The following FBXO11 variants were observed in gnomAD, a reference collection of about 807,000 sequenced individuals.
FBXO11 encodes F-box protein 11.
FBXO11 carries 13 observed loss-of-function variants against 117.0 expected under a neutral mutation model. The observed-to-expected ratio is 0.11, with a 90% CI of 0.07 to 0.18. FBXO11 has a LOEUF of 0.18. FBXO11 is among the 10% of genes least tolerant of loss of function. FBXO11 has a pLI of 1.00. For missense variants in FBXO11, 767 were observed against 1,164.4 expected (o/e 0.66, Z 4.97); for synonymous variants, 490 against 380.5 (o/e 1.29, Z -3.35).
intron 1 of FBXO11, among the ~76,000 whole-genome samples, chr2:47,884,494 C>G (rs751104311): frequency 2.0e-5 from 3 of 152,150 alleles, no homozygotes; most frequent in Non-Finnish European, 4.4e-5. Flanking sequence ...TTACATATGT[C>G]TTTCAGTTCA....
At chr2:47,817,993 CAA>C (rs1021441041) in intron 16 of FBXO11, among the ~76,000 whole-genome samples, 1 of 152,110 alleles carries the variant, frequency 6.6e-6, no homozygotes, top group African/African-American at 2.4e-5. Context: ...ACTAAAAATA[CAA>C]AGTCAGCCAG....
In FBXO11 at chr2:47,813,147, CTTAG is replaced by C. The variant is rs776147994; in HGVS notation, c.2227+83_2227+86del. 528 of 1,314,506 alleles carry C rather than the reference CTTAG, an allele frequency of 4.0e-4. 1 individual carries two copies. The highest frequency in any genetic ancestry group is 1.1e-3 in the Middle Eastern group (6 of 5,536). 81.4% of individuals were successfully genotyped at this position (1,314,506 alleles called of 1,614,324 possible). On this transcript the variant is annotated intron_variant, in intron 18 of 22. Transcript: ENST00000403359. ...AGACTTGAGATTCACTCATTTATAA[CTTAG>C]TTAGCAATGTCATTGATCATTAAAG...
intron 1 of FBXO11, among the ~76,000 whole-genome samples, chr2:47,845,964 C>G (rs1054809429): frequency 3.3e-5 from 5 of 151,892 alleles, no homozygotes; most frequent in African/African-American, 1.2e-4. Context: ...ACATGTAGAT[C>G]CATTATTTTT....
intron 1 of FBXO11, among the ~76,000 whole-genome samples, chr2:47,877,687 G>A (rs1441848665): frequency 2.6e-5 from 4 of 151,816 alleles, no homozygotes; most frequent in African/African-American, 7.3e-5. Flanking sequence ...TTTTCGTTTC[G>A]TTTTGTTTTG....
intron 1 of FBXO11, among the ~76,000 whole-genome samples, chr2:47,878,717 C>T (rs1291631555): frequency 2.6e-5 from 4 of 151,552 alleles, no homozygotes; most frequent in Non-Finnish European, 4.4e-5. Context: ...GTGGCTCATG[C>T]CTGTAATCCC....
chr2:47,818,568 C>T (rs1478235424), intron 16 of FBXO11: 9 of 472,768 alleles, frequency 1.9e-5, no homozygotes, highest in Non-Finnish European at 2.3e-5. Context: ...TGGAAGTGAG[C>T]TCTTATGGCA....
At position 47,905,802 on chromosome 2, in the gene FBXO11, G is replaced by T; in HGVS notation, c.-82C>A. Reference sequence around the variant, plus strand: ...GAGCTTCGGGGCAGGAGAAAGGGGTGGGGAGAGTGGGAGAGGGGGGAGGAA... The same window carrying T: ...GAGCTTCGGGGCAGGAGAAAGGGGTTGGGAGAGTGGGAGAGGGGGGAGGAA... On this transcript the variant is annotated 5_prime_UTR_variant, in exon 1 of 23. Coordinates refer to ENST00000403359, the MANE Select transcript of FBXO11 (RefSeq NM_001190274.2). 1.5e-6 allele frequency: 2 copies of T among 1,361,438 alleles called. No homozygotes were observed. The highest frequency in any genetic ancestry group is 2.0e-6 in the Non-Finnish European group (2 of 1,017,598). 84.3% of individuals were successfully genotyped at this position (1,361,438 alleles called of 1,614,324 possible).
At chr2:47,871,205 G>C (rs1205613449) in intron 1 of FBXO11, among the ~76,000 whole-genome samples, 1 of 152,174 alleles carries the variant, frequency 6.6e-6, no homozygotes, top group East Asian at 1.9e-4. Flanking sequence ...TCTGGACAAA[G>C]CCACGTGCCC....
intron 16 of FBXO11, among the ~76,000 whole-genome samples, chr2:47,816,033 C>A (rs1259412301): frequency 6.6e-6 from 1 of 152,252 alleles, no homozygotes; most frequent in East Asian, 1.9e-4. Flanking sequence ...AAACATCCCC[C>A]TGCTGTCTAG....
intron 1 of FBXO11, among the ~76,000 whole-genome samples, chr2:47,866,480 T>C (rs377726031): frequency 2.7e-4 from 41 of 151,968 alleles, no homozygotes; most frequent in African/African-American, 9.2e-4. Context: ...GTTTGTTTTT[T>C]TTTTTTTCTT....
chr2:47,854,786 T>C (rs1039318174), intron 1 of FBXO11, among the ~76,000 whole-genome samples: 2 of 152,012 alleles, frequency 1.3e-5, no homozygotes, highest in Non-Finnish European at 2.9e-5. Flanking sequence ...GGATCACGCT[T>C]TGAGAACCAT....
At chr2:47,823,039 CA>C (rs1480665484) in intron 12 of FBXO11, 103 bp downstream of exon 12, 117 of 734,908 alleles carry the variant, frequency 1.6e-4, no homozygotes, top group Non-Finnish European at 2.8e-5. Flanking sequence ...TTATAGTAGT[CA>C]AATGTCTAAC....
In FBXO11 at chr2:47,814,371, G is replaced by A. The variant is rs1670857959; in HGVS notation, c.2007-504C>T. 3 of 108,336 alleles carry A rather than the reference G, an allele frequency of 2.8e-5. No individual in the cohort carries two copies. In the Admixed American group the frequency reaches 2.9e-4, roughly 11 times the overall value. 6.7% of individuals were successfully genotyped at this position (108,336 alleles called of 1,614,324 possible). A position where few individuals can be genotyped will look rare whatever the true frequency, so the allele number is the denominator to read the frequency against. ...TCATAACAATCTAAGCCTTCAGGGA[G>A]TCTTTTTTTTTTTTTTTTTTTAAAG... On this transcript the variant is annotated intron_variant, in intron 16 of 22. Transcript: ENST00000403359.
chr2:47,814,659 A>C (rs1330836821), intron 16 of FBXO11, among the ~76,000 whole-genome samples: 1 of 152,124 alleles, frequency 6.6e-6, no homozygotes, highest in Non-Finnish European at 1.5e-5. Context: ...GATTACAGGC[A>C]TGATCTACTG....
chr2:47,829,584 A>C, intron 11 of FBXO11, among the ~76,000 whole-genome samples: 1 of 152,166 alleles, frequency 6.6e-6, no homozygotes, highest in Non-Finnish European at 1.5e-5. Flanking sequence ...ACAACTCTGC[A>C]CTGAACTGAG....
intron 1 of FBXO11, among the ~76,000 whole-genome samples, 174 bp from the exon 2 acceptor site, chr2:47,839,943 G>A (rs1239538254): frequency 6.6e-6 from 1 of 151,970 alleles, no homozygotes; most frequent in Non-Finnish European, 1.5e-5. Context: ...ATAAAATGTG[G>A]AAGATTTTTT....
At chr2:47,905,398 C>G in intron 1 of FBXO11, 91 bp downstream of exon 1, 1 of 1,064,274 alleles carries the variant, frequency 9.4e-7, no homozygotes, top group Non-Finnish European at 1.1e-6. Flanking sequence ...GGCGCGCAGG[C>G]CGCCCCCGCC....
intron 1 of FBXO11, among the ~76,000 whole-genome samples, chr2:47,874,198 T>C (rs1428858424): frequency 6.6e-6 from 1 of 152,138 alleles, no homozygotes; most frequent in Non-Finnish European, 1.5e-5. Flanking sequence ...CGGACGATAG[T>C]GCGAGACTGT....
chr2:47,833,723 T>C (rs1439345333), intron 7 of FBXO11, among the ~76,000 whole-genome samples: 1 of 152,196 alleles, frequency 6.6e-6, no homozygotes, highest in Non-Finnish European at 1.5e-5. Flanking sequence ...TCTATTTCAG[T>C]TCCTTTAAAA....
Sources: allele counts gnomAD v4.1 joint callset (sites outside exome capture counted in the v4.1 genomes callset), GRCh38; gene constraint gnomAD v4.1.1; transcripts MANE v1.5; gene names NCBI Gene and HGNC (gene_info 2026-07-23, HGNC 2026-07-21).